MBD5: variants seen among roughly 807,000 people sequenced by gnomAD.
MBD5 encodes methyl-CpG binding domain protein 5.
In MBD5, 13 loss-of-function variants were observed where a neutral mutation model predicts 117.3. The ratio of observed to expected loss-of-function variants is 0.11; its 90% CI spans 0.07 to 0.18. The LOEUF (loss-of-function observed/expected upper bound fraction) is 0.18. MBD5 is among the 10% of genes least tolerant of loss of function. MBD5 has a pLI of 1.00. For synonymous variants in MBD5, 727 were observed against 766.4 expected (o/e 0.95, Z 0.85); for missense variants, 1,879 against 2,093.8 (o/e 0.90, Z 2.00).
intron 11 of MBD5, 51 bp from the exon 12 acceptor site, chr2:148,502,385 T>C: frequency 6.4e-7 from 1 of 1,563,084 alleles, no homozygotes; most frequent in Non-Finnish European, 8.8e-7. Flanking sequence ...AAACCGTGTT[T>C]AACAATTACA....
rs186292448 is a variant in MBD5, at chr2:148,464,348, T to C, written c.397+429T>C. Among the ~76,000 whole-genome samples, 8 of 152,240 alleles carry C rather than the reference T, an allele frequency of 5.3e-5. No homozygotes were observed. In the East Asian group the frequency reaches 1.5e-3, roughly 29 times the overall value. On this transcript the variant is annotated intron_variant, in intron 7 of 13. Coordinates refer to ENST00000642680, the MANE Select transcript of MBD5 (RefSeq NM_001378120.1). Reference sequence around the variant, plus strand: ...ACAGAAATCACCTTGCTGAAAACTTTTTATATCTCCACCACCACACACACG... The same window carrying C: ...ACAGAAATCACCTTGCTGAAAACTTCTTATATCTCCACCACCACACACACG...
chr2:148,388,428 T>A (rs1704447215), intron 4 of MBD5, among the ~76,000 whole-genome samples: 1 of 152,184 alleles, frequency 6.6e-6, no homozygotes, highest in Non-Finnish European at 1.5e-5. Flanking sequence ...GGATAATAAT[T>A]ACTTCTGAGG....
At position 148,490,161 on chromosome 2, in the gene MBD5, A is replaced by C; in HGVS notation, c.4529A>C (p.Lys1510Thr). ...TACAAAAGAACTATGATGAGTTTTAAGGAGAGACTAGAGAACACTGTGGAA... is the reference window on the plus strand; with the variant it reads ...TACAAAAGAACTATGATGAGTTTTACGGAGAGACTAGAGAACACTGTGGAA... ...NNYKRTMMSF[K>T]ERLENTVERC... Residue 1510 changes from lysine (K) to threonine (T), a missense_variant, in exon 11 of 14, where the codon AAG becomes ACG. By Grantham distance (78) the Lys-to-Thr change is moderately conservative. Transcript: ENST00000642680. The C allele has an allele frequency of 6.2e-7, 1 of 1,614,150 alleles. No individual in the cohort carries two copies. The highest frequency in any genetic ancestry group is 8.5e-7 in the Non-Finnish European group (1 of 1,180,024).
At chr2:148,203,552 T>G (rs1001978433) in intron 2 of MBD5, among the ~76,000 whole-genome samples, 1 of 152,176 alleles carries the variant, frequency 6.6e-6, no homozygotes, top group African/African-American at 2.4e-5. Context: ...CCTAGCTACC[T>G]ATTTTCAAGA....
rs1168673827 is a variant in MBD5 at position 148,468,884 on chromosome 2, T to C, written c.941T>C (p.Met314Thr). 3.1e-6 allele frequency: 5 copies of C among 1,613,896 alleles called. No homozygotes were observed. Among genetic ancestry groups the C allele is most frequent in the Non-Finnish European group, 4.2e-6 (5 of 1,179,916 alleles). The change falls in exon 8 of 14, where the codon ATG becomes ACG. Residue 314 changes from methionine to threonine, a missense_variant. Physicochemically the swap from Met to Thr is moderately conservative, Grantham distance 81 (BLOSUM62 -1). Around this residue, in one of 4 missense-constraint regions of MBD5, gnomAD observed 1,666 missense variants for 1,792.2 expected, o/e 0.93. Transcript: ENST00000642680. ...AAGAGTCCAGTAATGAAAAAACCAA[T>C]GTGTAATTTTTCAACTAATATGGAA... ...TTKSPVMKKP[M>T]CNFSTNMEIP...
At chr2:148,400,306 G>C (rs78502594) in intron 4 of MBD5, among the ~76,000 whole-genome samples, 2 of 151,936 alleles carry the variant, frequency 1.3e-5, no homozygotes, top group Non-Finnish European at 2.9e-5. Flanking sequence ...AGCTGGTTCT[G>C]GTTAAAGCAG....
chr2:148,350,843 A>G (rs1703232458), intron 4 of MBD5, among the ~76,000 whole-genome samples: 1 of 151,928 alleles, frequency 6.6e-6, no homozygotes, highest in Admixed American at 6.6e-5. Context: ...TATCATATTT[A>G]AGTCTCTTTT....
intron 2 of MBD5, among the ~76,000 whole-genome samples, chr2:148,195,924 G>A (rs1002076835): frequency 3.9e-5 from 6 of 152,006 alleles, no homozygotes; most frequent in African/African-American, 1.4e-4. Context: ...AAAAATAAAA[G>A]CAAATTAAAC....
chr2:148,203,519 C>T (rs995610960), intron 2 of MBD5, among the ~76,000 whole-genome samples: 1 of 152,218 alleles, frequency 6.6e-6, no homozygotes, highest in Admixed American at 6.5e-5. Context: ...TTCTGTTGCT[C>T]ATGACAGAAT....
At chr2:148,350,066 G>C (rs1355918866) in intron 4 of MBD5, among the ~76,000 whole-genome samples, 2 of 151,862 alleles carry the variant, frequency 1.3e-5, no homozygotes, top group African/African-American at 4.8e-5. Context: ...GATTCTTCCT[G>C]GTATTTCAAA....
At chr2:148,257,452 T>G (rs1175287979) in intron 3 of MBD5, among the ~76,000 whole-genome samples, 1 of 152,184 alleles carries the variant, frequency 6.6e-6, no homozygotes, top group Non-Finnish European at 1.5e-5. Flanking sequence ...GAGATATGCC[T>G]GAATCTCATC....
intron 4 of MBD5, among the ~76,000 whole-genome samples, chr2:148,377,113 A>G (rs1003955259): frequency 2.6e-5 from 4 of 151,728 alleles, no homozygotes; most frequent in East Asian, 1.9e-4. Context: ...AACTCACGCA[A>G]TCACAAGATC....
At chr2:148,127,338 C>T (rs1696926339) in intron 1 of MBD5, among the ~76,000 whole-genome samples, 1 of 152,084 alleles carries the variant, frequency 6.6e-6, no homozygotes, top group Admixed American at 6.6e-5. Flanking sequence ...ATCCCATCAC[C>T]CAGGTATTAA....
chr2:148,061,005 A>G (rs1217298605), intron 1 of MBD5, among the ~76,000 whole-genome samples: 1 of 152,052 alleles, frequency 6.6e-6, no homozygotes, highest in Non-Finnish European at 1.5e-5. Flanking sequence ...TTTCTTCTCC[A>G]TTGTAAAAAG....
chr2:148,211,472 T>G (rs1338407473), intron 2 of MBD5, among the ~76,000 whole-genome samples: 2 of 152,218 alleles, frequency 1.3e-5, no homozygotes, highest in Non-Finnish European at 2.9e-5. Context: ...TTTTCGATTT[T>G]TGTTATATTT....
intron 2 of MBD5, among the ~76,000 whole-genome samples, chr2:148,231,271 A>G (rs1022121674): frequency 6.6e-6 from 1 of 152,162 alleles, no homozygotes; most frequent in African/African-American, 2.4e-5. Flanking sequence ...AGGCCTGGTT[A>G]AAATGCTCCT....
At position 148,095,384 on chromosome 2, in the gene MBD5, A is replaced by C. The variant is rs983878691; in HGVS notation, c.-925+73700A>C. On this transcript the variant is annotated intron_variant, in intron 1 of 13. Transcript: ENST00000642680. ...GGAAATAAGAAATATAAATCTGCTCAAGAAATGATTTATAGCTGACCACCT... is the reference window on the plus strand; with the variant it reads ...GGAAATAAGAAATATAAATCTGCTCCAGAAATGATTTATAGCTGACCACCT... Among the ~76,000 whole-genome samples, 5 of 152,182 alleles carry C rather than the reference A, an allele frequency of 3.3e-5. No individual in the cohort carries two copies. The East Asian group carries it at 9.6e-4, about 29-fold the overall frequency.
At chr2:148,362,140 A>G (rs952176629) in intron 4 of MBD5, among the ~76,000 whole-genome samples, 53 of 152,094 alleles carry the variant, frequency 3.5e-4, no homozygotes, top group Admixed American at 2.6e-4. Flanking sequence ...AGACAGAACC[A>G]TTCACTCTCC....
At chr2:148,212,574 T>G (rs1278326101) in intron 2 of MBD5, among the ~76,000 whole-genome samples, 1 of 152,082 alleles carries the variant, frequency 6.6e-6, no homozygotes, top group Non-Finnish European at 1.5e-5. Flanking sequence ...ACGTGTATTT[T>G]AGACATTAAA....
Sources: allele counts gnomAD v4.1 joint callset (sites outside exome capture counted in the v4.1 genomes callset), GRCh38; gene constraint gnomAD v4.1.1; regional missense constraint gnomAD v4.1.1; transcripts MANE v1.5; gene names NCBI Gene and HGNC (gene_info 2026-07-23, HGNC 2026-07-21).